Variants in B4GALNT2 observed in about 807,000 individuals in gnomAD.
The protein encoded by B4GALNT2 is beta-1,4-N-acetyl-galactosaminyltransferase 2 (SID blood group), also known as N-acetylneuraminylgalactosylglucosyl-glucoside beta-1,4-N- acetylgalactosaminyltransferase 2.
In B4GALNT2, 42 loss-of-function variants were observed where a neutral mutation model predicts 51.1. That is an observed-to-expected ratio of 0.82 (90% confidence interval 0.64 to 1.06). B4GALNT2 has a LOEUF of 1.06. B4GALNT2 is among the 50% of genes least tolerant of loss of function. B4GALNT2 has a pLI of 0.00. For missense variants in B4GALNT2, 602 were observed against 633.6 expected (o/e 0.95, Z 0.54); for synonymous variants, 253 against 251.7 (o/e 1.01, Z -0.05).
chr17:49,161,465 G>A (rs1230084393), intron 7 of B4GALNT2, among the ~76,000 whole-genome samples: 1 of 152,054 alleles, frequency 6.6e-6, no homozygotes, highest in East Asian at 1.9e-4. Flanking sequence ...TCAGGAGGCG[G>A]AGATGGGAGG....
At chr17:49,125,006 A>G in the B4GALNT2 span, among the ~76,000 whole-genome samples, 1 of 152,300 alleles carries the variant, frequency 6.6e-6, no homozygotes, top group South Asian at 2.1e-4. Flanking sequence ...TTAACCTTTT[A>G]ATCTAGGTAA....
intron 3 of B4GALNT2, among the ~76,000 whole-genome samples, chr17:49,147,658 G>A (rs559416306): frequency 1.3e-5 from 2 of 151,926 alleles, no homozygotes; most frequent in African/African-American, 4.8e-5. Context: ...ATACAGGCGT[G>A]AGCCACCATG....
At chr17:49,128,102 A>G (rs1475718212), upstream of B4GALNT2, among the ~76,000 whole-genome samples, 1 of 152,200 alleles carries the variant, frequency 6.6e-6, no homozygotes, top group Non-Finnish European at 1.5e-5. Flanking sequence ...ATGTCAGGCC[A>G]GGTTAAAGGA....
At chr17:49,133,240 G>A in intron 1 of B4GALNT2, 2 of 1,468,712 alleles carry the variant, frequency 1.4e-6, no homozygotes, top group Non-Finnish European at 1.8e-6. Flanking sequence ...GCCCGGGCGC[G>A]GGGACTGCGG....
chr17:49,142,297 G>A (rs919951290), intron 3 of B4GALNT2, 125 bp downstream of exon 3: 1 of 1,176,442 alleles, frequency 8.5e-7, no homozygotes, highest in Non-Finnish European at 1.2e-6. Flanking sequence ...GTCCCTGGGA[G>A]GAACTATTAG....
rs2042979957 is a variant in B4GALNT2 at position 49,175,152 on chromosome 17, T to G, written c.*5424T>G. On this transcript the variant is annotated 3_prime_UTR_variant, in exon 11 of 11. Transcript: ENST00000393354. The stretch of plus-strand genomic sequence containing the variant: ...AATTTGCCACGTGGACAGCCAGTGC[T>G]GTAGAGAAATGATTGAAATGTCTGC... 6.6e-6 allele frequency: 1 copy of G among 152,224 alleles called. No individual in the cohort carries two copies. Among genetic ancestry groups the G allele is most frequent in the African/African-American group, 2.4e-5 (1 of 41,470 alleles). The allele number at this position is 152,224 out of a possible 1,614,324, so 9.4% of individuals were successfully genotyped here. A position where few individuals can be genotyped will look rare whatever the true frequency, so the allele number is the denominator to read the frequency against.
Position 49,164,152 on chromosome 17 carries a change from G to A in B4GALNT2, c.831G>A (p.Met277Ile), listed in dbSNP as rs8068664. The change falls in exon 8 of 11, where the codon ATG becomes ATA. Residue 277 changes from methionine (M) to isoleucine (I), a missense_variant. By Grantham distance (10) the Met-to-Ile change is conservative (BLOSUM62 1). Coordinates refer to ENST00000393354, the MANE Select transcript of B4GALNT2 (RefSeq NM_001159387.2). The part of the protein sequence containing the change: ...TKTFLRPHKL[M>I]IMLRSIREYY... Reference sequence around the variant, plus strand: ...CTTTCCTCCGCCCCCACAAGCTCATGATCATGCTCCGGAGTATTCGAGAGT... The same window carrying A: ...CTTTCCTCCGCCCCCACAAGCTCATAATCATGCTCCGGAGTATTCGAGAGT... 2.2e-4 allele frequency: 358 copies of A among 1,614,124 alleles called. No individual in the cohort carries two copies. In the African/African-American group the frequency reaches 3.9e-3, roughly 18 times the overall value.
the B4GALNT2 span, among the ~76,000 whole-genome samples, chr17:49,124,365 A>G: frequency 6.6e-6 from 1 of 152,228 alleles, no homozygotes; most frequent in Non-Finnish European, 1.5e-5. Context: ...TTATAAGACT[A>G]CCTTCTAAAG....
intron 1 of B4GALNT2, among the ~76,000 whole-genome samples, chr17:49,138,778 G>A (rs1354107942): frequency 6.6e-6 from 1 of 152,210 alleles, no homozygotes; most frequent in South Asian, 2.1e-4. Flanking sequence ...TCAGGAGGCT[G>A]AGGCAGGAGA....
intron 4 of B4GALNT2, among the ~76,000 whole-genome samples, chr17:49,155,524 C>T (rs1598209498): frequency 1.3e-5 from 2 of 150,678 alleles, no homozygotes; most frequent in Admixed American, 1.3e-4. Context: ...ATCACTTGAA[C>T]TTGGGAGGTA....
At chr17:49,132,171 C>T (rs1019403372), upstream of B4GALNT2, among the ~76,000 whole-genome samples, 3 of 152,060 alleles carry the variant, frequency 2.0e-5, no homozygotes, top group Admixed American at 1.3e-4. Context: ...CATTAGAATA[C>T]AATATAATCA....
intron 9 of B4GALNT2, among the ~76,000 whole-genome samples, chr17:49,166,773 C>T (rs1174082719): frequency 6.6e-6 from 1 of 151,906 alleles, no homozygotes; most frequent in Non-Finnish European, 1.5e-5. Context: ...TCAAGACCAG[C>T]CTGGGCAACA....
intron 3 of B4GALNT2, 36 bp downstream of exon 3, chr17:49,142,208 T>C: frequency 6.2e-7 from 1 of 1,612,710 alleles, no homozygotes; most frequent in Non-Finnish European, 8.5e-7. Context: ...GGTTCTGAGA[T>C]GGAACAAAAG....
Position 49,151,871 on chromosome 17 carries a change from A to T in B4GALNT2, c.354-929A>T, listed in dbSNP as rs757366031. The stretch of plus-strand genomic sequence containing the variant: ...TTTCTTGTGATTTAGTTTATTTATT[A>T]TTTCAGCGGTAGGAGAAGTTCCACC... On this transcript the variant is annotated intron_variant, in intron 3 of 10. Coordinates refer to ENST00000393354, the MANE Select transcript of B4GALNT2 (RefSeq NM_001159387.2). Among the ~76,000 whole-genome samples, 55 of 152,242 alleles carry T rather than the reference A, an allele frequency of 3.6e-4. No individual in the cohort carries two copies. The Middle Eastern group carries it at 0.01, about 28-fold the overall frequency.
intron 7 of B4GALNT2, among the ~76,000 whole-genome samples, chr17:49,162,912 CAAAAAAAAAAA>C (rs34568226): frequency 1.1e-4 from 6 of 53,634 alleles, no homozygotes; most frequent in African/African-American, 5.1e-4. Flanking sequence ...GAAACTGTCT[CAAAAAAAAAAA>C]AAAAAAAAAA....
At chr17:49,156,928 T>A (rs1598210530) in intron 5 of B4GALNT2, among the ~76,000 whole-genome samples, 1 of 152,206 alleles carries the variant, frequency 6.6e-6, no homozygotes, top group Non-Finnish European at 1.5e-5. Flanking sequence ...GGACAGACGG[T>A]GCTTGTGCCC....
chr17:49,153,922 C>T (rs2042783312), intron 4 of B4GALNT2, among the ~76,000 whole-genome samples: 1 of 152,116 alleles, frequency 6.6e-6, no homozygotes, highest in Non-Finnish European at 1.5e-5. Flanking sequence ...AATCTGTGTG[C>T]CTCAAAGAAT....
intron 3 of B4GALNT2, among the ~76,000 whole-genome samples, chr17:49,144,970 A>C (rs4793608): frequency 7.2e-5 from 11 of 151,864 alleles, no homozygotes; most frequent in Non-Finnish European, 1.6e-4. Flanking sequence ...GGCTAGGCTC[A>C]TCTCATTGCT....
At chr17:49,163,980 C>A in intron 7 of B4GALNT2, 108 bp from the exon 8 acceptor site, 2 of 1,107,526 alleles carry the variant, frequency 1.8e-6, no homozygotes, top group Non-Finnish European at 2.6e-6. Flanking sequence ...GCATGAGACC[C>A]ACAGACACTG....
Sources: gnomAD v4.1 joint callset for allele counts (sites outside exome capture counted in the v4.1 genomes callset) on GRCh38, gnomAD v4.1.1 for gene constraint, MANE v1.5 for transcripts, NCBI Gene and HGNC (gene_info 2026-07-23, HGNC 2026-07-21) for gene names.